The following NDST3 variants were observed in gnomAD, a reference collection of about 807,000 sequenced individuals.
The protein encoded by NDST3 is N-deacetylase and N-sulfotransferase 3.
In NDST3, 58 loss-of-function variants were observed where a neutral mutation model predicts 96.1. The observed-to-expected ratio is 0.60, with a 90% CI of 0.49 to 0.75. NDST3 has a LOEUF of 0.75. NDST3 is among the 30% of genes least tolerant of loss of function. The probability of loss-of-function intolerance (pLI) is 0.00; values close to 1 mark genes in which losing one functional copy is unlikely to be tolerated. For synonymous variants in NDST3, 333 were observed against 359.7 expected, an observed-to-expected ratio of 0.93 and a Z score of 0.84; for missense variants, 788 against 1,034.2, an observed-to-expected ratio of 0.76 and a Z score of 3.27.
At chr4:118,074,033 C>T (rs952029345) in intron 2 of NDST3, among the ~76,000 whole-genome samples, 1 of 152,070 alleles carries the variant, frequency 6.6e-6, no homozygotes, top group Non-Finnish European at 1.5e-5. Context: ...TCATTGTTTA[C>T]AAGAAGTCAT....
chr4:118,230,390 A>G (rs573508722), intron 8 of NDST3, among the ~76,000 whole-genome samples: 2 of 152,082 alleles, frequency 1.3e-5, no homozygotes, highest in Non-Finnish European at 2.9e-5. Context: ...CCTGGCTAAC[A>G]CGGTGAAATC....
intron 6 of NDST3, among the ~76,000 whole-genome samples, chr4:118,223,780 A>G (rs1165451310): frequency 1.3e-5 from 2 of 152,094 alleles, no homozygotes; most frequent in Non-Finnish European, 2.9e-5. Flanking sequence ...TATTTTAGGA[A>G]AGTACTATTA....
intron 12 of NDST3, among the ~76,000 whole-genome samples, chr4:118,253,037 C>A (rs995276688): frequency 1.3e-5 from 2 of 152,152 alleles, no homozygotes; most frequent in Non-Finnish European, 2.9e-5. Context: ...CCATGATACA[C>A]TGAAACCTTT....
At chr4:118,033,517 G>A (rs1332712645), upstream of NDST3, 2 of 151,878 alleles carry the variant, frequency 1.3e-5, no homozygotes, top group Non-Finnish European at 2.9e-5. Flanking sequence ...CCGGTCGATG[G>A]AGGCGGCTCC....
chr4:118,156,852 C>A (rs546391241), intron 6 of NDST3, among the ~76,000 whole-genome samples: 12 of 152,298 alleles, frequency 7.9e-5, no homozygotes, highest in Non-Finnish European at 1.8e-4. Flanking sequence ...AGTGCGTGAG[C>A]AAATGGTACA....
At chr4:118,228,573 A>AT (rs1282541876) in intron 8 of NDST3, among the ~76,000 whole-genome samples, 3 of 152,116 alleles carry the variant, frequency 2.0e-5, no homozygotes, top group African/African-American at 7.2e-5. Flanking sequence ...ATAGAAATTG[A>AT]TTTTTCCCAG....
intron 6 of NDST3, chr4:118,193,911 G>T (rs1448766782): frequency 3.8e-5 from 37 of 977,088 alleles, no homozygotes; most frequent in Non-Finnish European, 4.9e-5. Context: ...TTATATTATA[G>T]TAAAGCTTGC....
intron 4 of NDST3, among the ~76,000 whole-genome samples, chr4:118,116,456 T>A (rs1380791545): frequency 6.6e-6 from 1 of 151,262 alleles, no homozygotes; most frequent in South Asian, 2.1e-4. Context: ...CACTGTTACA[T>A]CTGCTGAAAA....
At chr4:118,123,564 T>C (rs1465736627) in intron 4 of NDST3, among the ~76,000 whole-genome samples, 2 of 152,168 alleles carry the variant, frequency 1.3e-5, no homozygotes, top group Non-Finnish European at 2.9e-5. Context: ...TTTTTTTACA[T>C]TTCTATAAAC....
chr4:118,039,071 T>G (rs922236395), intron 1 of NDST3, among the ~76,000 whole-genome samples: 20 of 152,224 alleles, frequency 1.3e-4, no homozygotes, highest in African/African-American at 4.8e-4. Flanking sequence ...CTTCTGCCTT[T>G]TGTTAATGGT....
chr4:118,130,666 T>C lies in NDST3; in HGVS notation c.1225-7388T>C, dbSNP rs912277802. 5.1e-4 allele frequency among the ~76,000 whole-genome samples: 78 copies of C among 152,198 alleles called. 1 individual carries two copies. Among genetic ancestry groups the C allele is most frequent in the African/African-American group, 1.8e-3 (75 of 41,460 alleles). On this transcript the variant is annotated intron_variant, in intron 4 of 13. Transcript: ENST00000296499. ...CCTACTATTACCAGTGTACCAGTAT[T>C]TTTACCTTCAGACAATTTCTTCTTG...
Position 118,114,790 on chromosome 4 carries a change from A to AT in NDST3, c.1070-13dup, listed in dbSNP as rs1301836130. Reference sequence around the variant, plus strand: ...GTGTAACTGGAATTAATTGGATAATATTTCCCCCCCTAAAGGAACTGAAGA... The same window carrying AT: ...GTGTAACTGGAATTAATTGGATAATATTTTCCCCCCCTAAAGGAACTGAAGA... On this transcript the variant is annotated splice_polypyrimidine_tract_variant and intron_variant, in intron 3 of 13. Coordinates refer to ENST00000296499, the MANE Select transcript of NDST3 (RefSeq NM_004784.3). 6.0e-6 allele frequency: 9 copies of AT among 1,498,444 alleles called. No individual in the cohort carries two copies. Among genetic ancestry groups the AT allele is most frequent in the Admixed American group, 4.3e-5 (2 of 46,800 alleles). 92.8% of individuals were successfully genotyped at this position (1,498,444 alleles called of 1,614,324 possible). A position where few individuals can be genotyped will look rare whatever the true frequency, so the allele number is the denominator to read the frequency against.
intron 3 of NDST3, among the ~76,000 whole-genome samples, chr4:118,113,132 A>G (rs1195948312): frequency 6.6e-6 from 1 of 152,150 alleles, no homozygotes; most frequent in African/African-American, 2.4e-5. Context: ...CCCCAAAAAT[A>G]AAATAGGTAC....
At chr4:118,249,891 C>G (rs1170020694) in intron 12 of NDST3, among the ~76,000 whole-genome samples, 1 of 152,054 alleles carries the variant, frequency 6.6e-6, no homozygotes, top group Non-Finnish European at 1.5e-5. Flanking sequence ...AGATATAGAA[C>G]AAAAAGGTAT....
intron 6 of NDST3, chr4:118,193,441 G>A: frequency 1.4e-6 from 1 of 710,724 alleles, no homozygotes; most frequent in Non-Finnish European, 2.4e-6. Context: ...GGCTCTCTGT[G>A]GTGTTGCTCT....
At chr4:118,230,450 C>T (rs1311431654) in intron 8 of NDST3, among the ~76,000 whole-genome samples, 3 of 152,104 alleles carry the variant, frequency 2.0e-5, no homozygotes, top group African/African-American at 7.2e-5. Flanking sequence ...TGGCGGGCGC[C>T]TGTAGTCCCA....
rs1293362620 is a variant in NDST3 at position 118,136,234 on chromosome 4, C to A, written c.1225-1820C>A. Among the ~76,000 whole-genome samples, 4 of 152,306 alleles carry A rather than the reference C, an allele frequency of 2.6e-5. No homozygotes were observed. In the South Asian group the frequency reaches 6.2e-4, roughly 24 times the overall value. On this transcript the variant is annotated intron_variant, in intron 4 of 13. Transcript: ENST00000296499. Reference sequence around the variant, plus strand: ...TCCATGTAACAAACCTGCACATGCACCCCTGTATCTAAAAGTTGAAATTTA... The same window carrying A: ...TCCATGTAACAAACCTGCACATGCAACCCTGTATCTAAAAGTTGAAATTTA...
intron 6 of NDST3, among the ~76,000 whole-genome samples, chr4:118,154,718 C>A (rs1734614677): frequency 6.6e-6 from 1 of 152,132 alleles, no homozygotes; most frequent in Non-Finnish European, 1.5e-5. Flanking sequence ...TTATTTAGTT[C>A]ACTGCAGGTC....
At chr4:118,094,357 C>G (rs1197921541) in intron 2 of NDST3, among the ~76,000 whole-genome samples, 1 of 151,954 alleles carries the variant, frequency 6.6e-6, no homozygotes, top group Admixed American at 6.6e-5. Context: ...ATGGTATAAT[C>G]TAAAGCCACA....
Sources: gnomAD v4.1 joint callset for allele counts (sites outside exome capture counted in the v4.1 genomes callset) on GRCh38, gnomAD v4.1.1 for gene constraint, MANE v1.5 for transcripts, NCBI Gene and HGNC (gene_info 2026-07-23, HGNC 2026-07-21) for gene names.